Variants in INO80D observed in about 807,000 individuals in gnomAD.
The protein encoded by INO80D is INO80 complex subunit D.
INO80D carries 21 observed loss-of-function variants against 87.6 expected under a neutral mutation model. That is an observed-to-expected ratio of 0.24 (90% CI 0.17 to 0.35). INO80D has a LOEUF of 0.35. INO80D is among the 10% of genes least tolerant of loss of function. The probability of loss-of-function intolerance (pLI) is 1.00; values close to 1 mark genes in which losing one functional copy is unlikely to be tolerated. For missense variants in INO80D, 982 were observed against 1,280.7 expected (o/e 0.77, Z 3.56); for synonymous variants, 440 against 491.0 (o/e 0.90, Z 1.37).
intron 5 of INO80D, among the ~76,000 whole-genome samples, chr2:206,037,875 C>T (rs1217317534): frequency 6.6e-6 from 1 of 152,128 alleles, no homozygotes; most frequent in Admixed American, 6.5e-5. Flanking sequence ...TGTATGTATA[C>T]ATAATGGAAT....
chr2:206,040,659 TA>T (rs1311483754), intron 5 of INO80D: 1 of 229,750 alleles, frequency 4.4e-6, no homozygotes, highest in Non-Finnish European at 9.5e-6. Context: ...TGAAGGTTTA[TA>T]ACTACAATCA....
chr2:206,069,649 A>G (rs1379091199), intron 1 of INO80D, among the ~76,000 whole-genome samples: 1 of 152,178 alleles, frequency 6.6e-6, no homozygotes, highest in Non-Finnish European at 1.5e-5. Flanking sequence ...GTTTTCTTAG[A>G]AAAACTGTAG....
rs1688359832 is a variant in INO80D, at chr2:206,017,849, AACTCTAATTTTTCAATTTCT to A, written c.1409-56_1409-37del. Reference sequence around the variant, plus strand: ...TTAAGTTAGGAGTAAAATACACTGAAACTCTAATTTTTCAATTTCTATATAAAATTTGCTTGTTCCCTTAC... The same window carrying A: ...TTAAGTTAGGAGTAAAATACACTGAAATATAAAATTTGCTTGTTCCCTTAC... On this transcript the variant is annotated intron_variant, in intron 7 of 10. Coordinates refer to ENST00000403263, the MANE Select transcript of INO80D (RefSeq NM_017759.5). 3.2e-6 allele frequency: 5 copies of A among 1,564,914 alleles called. No homozygotes were observed. In the South Asian group the frequency reaches 6.0e-5, roughly 19 times the overall value.
At chr2:206,029,766 T>C (rs1454082593) in intron 5 of INO80D, among the ~76,000 whole-genome samples, 1 of 152,222 alleles carries the variant, frequency 6.6e-6, no homozygotes, top group East Asian at 1.9e-4. Context: ...GTATCTATTA[T>C]GCTCAGCACT....
rs752395423 is a variant in INO80D at position 206,028,143 on chromosome 2, T to C, written c.1266A>G (p.Gln422=). Residue 422 remains glutamine, a synonymous_variant, in exon 6 of 11, where the codon CAA becomes CAG. Transcript: ENST00000403263. The part of the protein sequence containing the change: ...KEPECTGQLI[Q]ELRRAACSRT... The stretch of plus-strand genomic sequence containing the variant: ...GACTGCATGCAGCTCTCCGCAGTTC[T>C]TGTATTAACTGACCAGTGCATTCTG... 30 of 1,560,314 alleles carry C rather than the reference T, an allele frequency of 1.9e-5. No individual in the cohort carries two copies. The African/African-American group carries it at 3.3e-4, about 17-fold the overall frequency.
intron 1 of INO80D, among the ~76,000 whole-genome samples, chr2:206,073,962 G>A (rs1184156639): frequency 1.3e-5 from 2 of 151,972 alleles, no homozygotes; most frequent in Non-Finnish European, 2.9e-5. Context: ...TCCTGCCTCA[G>A]CCTACCAAAC....
intron 1 of INO80D, among the ~76,000 whole-genome samples, chr2:206,079,752 TA>T (rs1690222823): frequency 1.3e-5 from 2 of 152,204 alleles, no homozygotes; most frequent in South Asian, 4.1e-4. Context: ...GCTTGTCACG[TA>T]AAAGAAATCC....
chr2:206,050,707 G>A (rs372381931), intron 4 of INO80D, among the ~76,000 whole-genome samples: 1 of 152,120 alleles, frequency 6.6e-6, no homozygotes. Flanking sequence ...GGTGGCTCAC[G>A]CCTGTAATCC....
rs1336061659 is a variant in INO80D, at chr2:205,998,429, T to C, written c.*5939A>G. 8 of 138,646 alleles carry C rather than the reference T, an allele frequency of 5.8e-5. No individual in the cohort carries two copies. The highest frequency in any genetic ancestry group is 7.6e-3 in the Middle Eastern group (2 of 264). The allele number at this position is 138,646 out of a possible 1,614,324, so 8.6% of individuals were successfully genotyped here. A position where few individuals can be genotyped will look rare whatever the true frequency, so the allele number is the denominator to read the frequency against. On this transcript the variant is annotated 3_prime_UTR_variant, in exon 11 of 11. Transcript: ENST00000403263. ...ACGGCAGAGATCCAGTGTAAAAAGG[T>C]GCTTCACTAGTTTGTTTTGTCAAAA...
chr2:206,082,388 G>A (rs558821487), intron 1 of INO80D, among the ~76,000 whole-genome samples: 3 of 152,216 alleles, frequency 2.0e-5, no homozygotes, highest in Non-Finnish European at 4.4e-5. Context: ...GTCACCTTAC[G>A]TGCAAGGAGG....
At chr2:206,009,979 C>A (rs1183052901) in intron 8 of INO80D, among the ~76,000 whole-genome samples, 185 bp from the exon 9 acceptor site, 3 of 152,036 alleles carry the variant, frequency 2.0e-5, no homozygotes, top group African/African-American at 7.2e-5. Flanking sequence ...ATTTTAATAT[C>A]TCTGCAATTG....
chr2:206,037,531 A>C (rs1688924239), intron 5 of INO80D, among the ~76,000 whole-genome samples: 1 of 152,258 alleles, frequency 6.6e-6, no homozygotes, highest in Non-Finnish European at 1.5e-5. Flanking sequence ...AAGAATCATT[A>C]GACATGAGTA....
chr2:206,004,277 C>T lies in INO80D; in HGVS notation c.*91G>A. On this transcript the variant is annotated 3_prime_UTR_variant, in exon 11 of 11. Coordinates refer to ENST00000403263, the MANE Select transcript of INO80D (RefSeq NM_017759.5). The surrounding 1 kb of genome is among the most constrained non-coding windows in gnomAD (Gnocchi z 4.9). Reference sequence around the variant, plus strand: ...CCCCTCTGATCCCCATCTGTTATATCTTCTTTAGGAAAAGGGGAGAGGGGT... The same window carrying T: ...CCCCTCTGATCCCCATCTGTTATATTTTCTTTAGGAAAAGGGGAGAGGGGT... The T allele has an allele frequency of 8.2e-7, 1 of 1,225,388 alleles. No individual in the cohort carries two copies. Among genetic ancestry groups the T allele is most frequent in the Non-Finnish European group, 1.1e-6 (1 of 873,128 alleles). 75.9% of individuals were successfully genotyped at this position (1,225,388 alleles called of 1,614,324 possible). A position where few individuals can be genotyped will look rare whatever the true frequency, so the allele number is the denominator to read the frequency against.
chr2:206,066,942 T>A (rs1689832245), intron 1 of INO80D, among the ~76,000 whole-genome samples: 1 of 135,976 alleles, frequency 7.4e-6, no homozygotes, highest in Non-Finnish European at 1.7e-5. Context: ...CATAAAAAAG[T>A]TGATCTCATA....
intron 8 of INO80D, among the ~76,000 whole-genome samples, chr2:206,011,007 G>C (rs1309856174): frequency 2.0e-5 from 3 of 151,296 alleles, no homozygotes; most frequent in Non-Finnish European, 4.4e-5. Flanking sequence ...GAACCCGGGA[G>C]GCAGAGGTTG....
chr2:206,066,341 A>T (rs183310003), intron 1 of INO80D, among the ~76,000 whole-genome samples: 89 of 152,296 alleles, frequency 5.8e-4, no homozygotes, highest in African/African-American at 2.0e-3. Context: ...GCATTTTTCC[A>T]AAGAAAAGGA....
intron 1 of INO80D, among the ~76,000 whole-genome samples, chr2:206,076,725 T>C (rs1294571332): frequency 1.3e-5 from 2 of 152,210 alleles, no homozygotes; most frequent in Admixed American, 1.3e-4. Flanking sequence ...GTTCCTTCCC[T>C]GCTATATTAG....
At chr2:206,080,045 GC>G (rs1690231516) in intron 1 of INO80D, among the ~76,000 whole-genome samples, 1 of 152,110 alleles carries the variant, frequency 6.6e-6, no homozygotes, top group Non-Finnish European at 1.5e-5. Context: ...ATTCCTCCAG[GC>G]TAAGCTATTA....
At chr2:206,017,917 T>C (rs946523700) in intron 7 of INO80D, 104 bp from the exon 8 acceptor site, 7 of 946,114 alleles carry the variant, frequency 7.4e-6, no homozygotes, top group African/African-American at 1.7e-5. Flanking sequence ...CAAGCTTTAT[T>C]ATCCATAATA....
Sources: allele counts gnomAD v4.1 joint callset (sites outside exome capture counted in the v4.1 genomes callset), GRCh38; gene constraint gnomAD v4.1.1; non-coding constraint Gnocchi (gnomAD v3.1); transcripts MANE v1.5; gene names NCBI Gene and HGNC (gene_info 2026-07-23, HGNC 2026-07-21).